Variants in PKP4 observed in about 807,000 individuals in gnomAD.
The protein encoded by PKP4 is plakophilin-4.
PKP4 carries 90 observed loss-of-function variants against 145.1 expected under a neutral mutation model. The ratio of observed to expected loss-of-function variants is 0.62; its 90% CI spans 0.52 to 0.74. The LOEUF is 0.74. Ranked by LOEUF, PKP4 falls within the 30% of genes least tolerant of loss-of-function variation. The pLI, the probability that PKP4 is intolerant of heterozygous loss-of-function variation, is 0.00. For missense variants in PKP4, 1,340 were observed against 1,482.7 expected, an observed-to-expected ratio of 0.90 and a Z score of 1.58; for synonymous variants, 563 against 577.2, an observed-to-expected ratio of 0.98 and a Z score of 0.35.
intron 1 of PKP4, among the ~76,000 whole-genome samples, chr2:158,495,747 T>C (rs1387494448): frequency 2.0e-5 from 3 of 151,278 alleles, no homozygotes; most frequent in Non-Finnish European, 1.5e-5. Context: ...GGCAGGGTAA[T>C]TGTGTGAACC....
At chr2:158,665,252 C>T (rs1334496787) in intron 15 of PKP4, among the ~76,000 whole-genome samples, 4 of 152,146 alleles carry the variant, frequency 2.6e-5, no homozygotes, top group Non-Finnish European at 4.4e-5. Flanking sequence ...TCTGTTGTTG[C>T]AGGTTTCAGA....
intron 1 of PKP4, among the ~76,000 whole-genome samples, chr2:158,521,521 T>C (rs1198360935): frequency 2.0e-5 from 3 of 152,214 alleles, no homozygotes; most frequent in African/African-American, 7.2e-5. Context: ...AAACAAATTC[T>C]TGCCAAGAAA....
chr2:158,513,852 C>T (rs1439617168), intron 1 of PKP4, among the ~76,000 whole-genome samples: 1 of 152,160 alleles, frequency 6.6e-6, no homozygotes, highest in Non-Finnish European at 1.5e-5. Flanking sequence ...ACCCCGCTTC[C>T]ACCCCAATTT....
At chr2:158,662,137 A>G (rs536396090) in intron 13 of PKP4, 1 of 152,600 alleles carries the variant, frequency 6.6e-6, no homozygotes, top group South Asian at 2.1e-4. Flanking sequence ...AGGAGAGGCC[A>G]TTGGAAGGTG....
intron 2 of PKP4, among the ~76,000 whole-genome samples, chr2:158,536,308 A>G (rs970887413): frequency 6.6e-6 from 1 of 152,254 alleles, no homozygotes; most frequent in African/African-American, 2.4e-5. Context: ...GAAAGAGCAT[A>G]TAAAAATAAG....
At chr2:158,647,654 C>T (rs934805892) in intron 11 of PKP4, among the ~76,000 whole-genome samples, 1 of 152,202 alleles carries the variant, frequency 6.6e-6, no homozygotes, top group African/African-American at 2.4e-5. Flanking sequence ...TAGTATGTAA[C>T]ATGATTCTTG....
intron 1 of PKP4, among the ~76,000 whole-genome samples, chr2:158,532,115 A>T (rs2043607260): frequency 6.6e-6 from 1 of 152,230 alleles, no homozygotes; most frequent in Admixed American, 6.5e-5. Context: ...TGGGGTAACA[A>T]GTCCCAGATC....
chr2:158,602,111 AT>A (rs1331658683), intron 3 of PKP4, among the ~76,000 whole-genome samples: 9 of 152,174 alleles, frequency 5.9e-5, no homozygotes, highest in African/African-American at 2.2e-4. Context: ...TAGCACATTC[AT>A]TTTTATTTTT....
intron 2 of PKP4, among the ~76,000 whole-genome samples, chr2:158,547,063 G>T (rs964134018): frequency 7.9e-5 from 12 of 152,090 alleles, no homozygotes; most frequent in African/African-American, 2.9e-4. Flanking sequence ...ACATTTTTGG[G>T]CCATGGGGGG....
rs869120223 is a variant in PKP4, at chr2:158,530,504, C to CTTT, written c.-5-2654_-5-2652dup. Among the ~76,000 whole-genome samples the CTTT allele has an allele frequency of 8.2e-3, 758 of 92,096 alleles. 17 individuals carry two copies. Among genetic ancestry groups the CTTT allele is most frequent in the African/African-American group, 0.011 (253 of 23,308 alleles). The allele number at this position is 92,096 out of a possible 152,430, so 60.4% of individuals were successfully genotyped here. ...TTTACGATAGAAGTACTCTTTCTTT[C>CTTT]TTTTTTTTTTTTTTTTTTTTTTTTG... On this transcript the variant is annotated intron_variant, in intron 1 of 21. Coordinates refer to ENST00000389759, the MANE Select transcript of PKP4 (RefSeq NM_003628.6).
intron 9 of PKP4, among the ~76,000 whole-genome samples, chr2:158,636,133 T>C (rs2053789431): frequency 6.6e-6 from 1 of 152,130 alleles, no homozygotes; most frequent in African/African-American, 2.4e-5. Context: ...AAAGACTTCC[T>C]GTGTATTCAC....
At chr2:158,598,265 G>C (rs967997706) in intron 3 of PKP4, among the ~76,000 whole-genome samples, 7 of 152,104 alleles carry the variant, frequency 4.6e-5, no homozygotes, top group Non-Finnish European at 1.0e-4. Context: ...AGTAACAGTA[G>C]CTTGTGTATA....
chr2:158,476,319 CT>C (rs1387092052), intron 1 of PKP4, among the ~76,000 whole-genome samples: 5 of 152,068 alleles, frequency 3.3e-5, no homozygotes, highest in Admixed American at 6.6e-5. Flanking sequence ...GGCTCATCCT[CT>C]GATGATTTTT....
At chr2:158,493,278 T>G (rs573405787) in intron 1 of PKP4, among the ~76,000 whole-genome samples, 35 of 152,358 alleles carry the variant, frequency 2.3e-4, no homozygotes, top group African/African-American at 7.7e-4. Flanking sequence ...AAATTACTAT[T>G]TATTGTTTCC....
intron 11 of PKP4, among the ~76,000 whole-genome samples, chr2:158,650,129 C>T (rs2055218221): frequency 6.6e-6 from 1 of 152,218 alleles, no homozygotes. Context: ...GGGCCGCTGC[C>T]CCCACTGCCG....
intron 4 of PKP4, among the ~76,000 whole-genome samples, chr2:158,610,784 A>T (rs1217866007): frequency 5.3e-5 from 8 of 152,110 alleles, no homozygotes; most frequent in Non-Finnish European, 5.9e-5. Context: ...TGTAAAATGC[A>T]GGGGAGGAGA....
At chr2:158,458,727 G>T (rs1341884085) in intron 1 of PKP4, among the ~76,000 whole-genome samples, 2 of 152,128 alleles carry the variant, frequency 1.3e-5, no homozygotes, top group African/African-American at 4.8e-5. Context: ...ACTGGGCTGT[G>T]TTTAGACCTC....
At chr2:158,531,656 C>G (rs2043557427) in intron 1 of PKP4, among the ~76,000 whole-genome samples, 1 of 152,078 alleles carries the variant, frequency 6.6e-6, no homozygotes, top group Non-Finnish European at 1.5e-5. Context: ...GTATAAAGAA[C>G]TAGCCATTTT....
In PKP4 at chr2:158,680,691, A is replaced by C. The variant is rs776185048; in HGVS notation, c.*14A>C. The C allele has an allele frequency of 1.4e-5, 23 of 1,589,076 alleles. No homozygotes were observed. In the African/African-American group the frequency reaches 2.8e-4, roughly 20 times the overall value. ...TCATGGGTGTAGCATCAAGATGCCC[A>C]ACAGAGGAACTCTTTCTTTCTAACC... is the stretch of plus-strand genomic sequence containing the variant. On this transcript the variant is annotated 3_prime_UTR_variant, in exon 22 of 22. Transcript: ENST00000389759.
Sources: allele counts gnomAD v4.1 joint callset (sites outside exome capture counted in the v4.1 genomes callset), GRCh38; gene constraint gnomAD v4.1.1; transcripts MANE v1.5; gene names NCBI Gene and HGNC (gene_info 2026-07-23, HGNC 2026-07-21).